P2RX5: variants seen among roughly 807,000 people sequenced by gnomAD.
The protein encoded by P2RX5 is P2X purinoceptor 5.
A neutral mutation model predicts 54.1 loss-of-function variants in P2RX5; 46 were observed. The observed-to-expected ratio is 0.85, with a 90% CI of 0.67 to 1.09. P2RX5 has a LOEUF of 1.09. Ranked by LOEUF, P2RX5 falls within the 50% of genes least tolerant of loss-of-function variation. P2RX5 has a pLI of 0.00. For synonymous variants in P2RX5, 226 were observed against 226.4 expected, an observed-to-expected ratio of 1.00 and a Z score of 0.02; for missense variants, 566 against 549.8, an observed-to-expected ratio of 1.03 and a Z score of -0.29.
At chr17:3,674,027 G>C in intron 11 of P2RX5, 150 bp from the exon 12 acceptor site, 1 of 825,422 alleles carries the variant, frequency 1.2e-6, no homozygotes, top group Non-Finnish European at 2.0e-6. Context: ...GCCAGTTTCC[G>C]GCCAGGCGCG....
At chr17:3,719,977 C>T in the P2RX5 span, among the ~76,000 whole-genome samples, 5 of 152,168 alleles carry the variant, frequency 3.3e-5, no homozygotes, top group South Asian at 2.1e-4. Context: ...CCACCTGTCT[C>T]GGCCTCCCAA....
chr17:3,693,967 G>A (rs1183999121), intron 1 of P2RX5, among the ~76,000 whole-genome samples: 2 of 151,946 alleles, frequency 1.3e-5, no homozygotes, highest in East Asian at 1.9e-4. Context: ...GTTTTACCAC[G>A]TTGGTCAGGC....
chr17:3,709,165 T>C, the P2RX5 span, among the ~76,000 whole-genome samples: 1 of 152,130 alleles, frequency 6.6e-6, no homozygotes, highest in Non-Finnish European at 1.5e-5. Context: ...TTGGGCAAGC[T>C]GGTCTCGAAC....
At chr17:3,697,281 C>G (rs2050778620), upstream of P2RX5, among the ~76,000 whole-genome samples, 1 of 152,198 alleles carries the variant, frequency 6.6e-6, no homozygotes, top group Non-Finnish European at 1.5e-5. Context: ...ATCCATGCAG[C>G]TATGACTGCA....
intron 7 of P2RX5, 64 bp from the exon 8 acceptor site, chr17:3,688,823 C>T: frequency 6.3e-7 from 1 of 1,578,684 alleles, no homozygotes; most frequent in Non-Finnish European, 8.7e-7. Flanking sequence ...CATCCCAGGC[C>T]AGCCCTTCAC....
At chr17:3,702,702 C>T in the P2RX5 span, among the ~76,000 whole-genome samples, 1 of 152,194 alleles carries the variant, frequency 6.6e-6, no homozygotes, top group Non-Finnish European at 1.5e-5. Context: ...GACACACCAT[C>T]TTTAAGAACT....
At chr17:3,719,717 T>C in the P2RX5 span, among the ~76,000 whole-genome samples, 20,766 of 152,120 alleles carry the variant, frequency 0.14, 4,741 homozygotes, top group African/African-American at 0.47. Flanking sequence ...ACTTAGGTAA[T>C]TCATTTTTTA....
chr17:3,713,163 C>T, the P2RX5 span, among the ~76,000 whole-genome samples: 1 of 152,056 alleles, frequency 6.6e-6, no homozygotes, highest in Admixed American at 6.6e-5. Flanking sequence ...TTGAAATCAG[C>T]TTGGTCAACA....
At chr17:3,701,137 T>A (rs2050813119), upstream of P2RX5, among the ~76,000 whole-genome samples, 1 of 152,238 alleles carries the variant, frequency 6.6e-6, no homozygotes, top group Admixed American at 6.5e-5. Context: ...CTTTGTCTAG[T>A]TCAAGCTTGT....
the P2RX5 span, among the ~76,000 whole-genome samples, chr17:3,702,055 A>G: frequency 9.1e-4 from 139 of 152,270 alleles, no homozygotes; most frequent in African/African-American, 3.0e-3. Context: ...CTGGTGAGAG[A>G]TCAAGCCAGC....
intron 11 of P2RX5, chr17:3,676,931 G>A: frequency 3.8e-6 from 1 of 265,398 alleles, no homozygotes. Flanking sequence ...GCATGGTGGT[G>A]GGCACCTGTA....
the P2RX5 span, chr17:3,720,329 T>C: frequency 6.3e-7 from 1 of 1,583,580 alleles, no homozygotes; most frequent in South Asian, 1.1e-5. Flanking sequence ...GTTCTCTGCA[T>C]TCAGTCCCTC....
chr17:3,690,254 C>G (rs1473641561), intron 5 of P2RX5, 104 bp from the exon 6 acceptor site: 2 of 1,236,648 alleles, frequency 1.6e-6, no homozygotes, highest in Non-Finnish European at 2.4e-6. Context: ...CCTGGAGCCT[C>G]TGCCCAGGAC....
chr17:3,676,235 A>G, intron 11 of P2RX5: 1 of 985,462 alleles, frequency 1.0e-6, no homozygotes, highest in African/African-American at 1.7e-5. Flanking sequence ...AGAGCTAGTC[A>G]GCTCCCAAGC....
intron 10 of P2RX5, 133 bp from the exon 11 acceptor site, chr17:3,679,917 C>T (rs996374297): frequency 5.7e-5 from 44 of 774,180 alleles, no homozygotes; most frequent in Non-Finnish European, 9.0e-5. Flanking sequence ...GTGTCCTCCA[C>T]CCTGCTTCCT....
intron 2 of P2RX5, among the ~76,000 whole-genome samples, 169 bp downstream of exon 2, chr17:3,691,475 T>C (rs936918273): frequency 2.6e-5 from 4 of 152,244 alleles, no homozygotes; most frequent in Non-Finnish European, 5.9e-5. Context: ...GGGTTTGGCA[T>C]GGGAGGTAGG....
At chr17:3,677,714 C>T in intron 11 of P2RX5, 6 of 985,404 alleles carry the variant, frequency 6.1e-6, no homozygotes, top group Non-Finnish European at 7.2e-6. Context: ...TTAAGCACCT[C>T]TTGGTGGGCC....
chr17:3,700,272 C>T (rs934639582), upstream of P2RX5, among the ~76,000 whole-genome samples: 3 of 152,092 alleles, frequency 2.0e-5, no homozygotes, highest in Non-Finnish European at 4.4e-5. Flanking sequence ...GTGTGGCTCA[C>T]GCCTGTAATC....
At chr17:3,710,371 G>A in the P2RX5 span, among the ~76,000 whole-genome samples, 36 of 150,378 alleles carry the variant, frequency 2.4e-4, no homozygotes, top group African/African-American at 7.1e-4. Flanking sequence ...AGGTTGCAGT[G>A]AGCCGAGATC....
Sources: allele counts gnomAD v4.1 joint callset (sites outside exome capture counted in the v4.1 genomes callset), GRCh38; gene constraint gnomAD v4.1.1; transcripts MANE v1.5; gene names NCBI Gene and HGNC (gene_info 2026-07-23, HGNC 2026-07-21).